Variants in DRD2 observed in about 807,000 individuals in gnomAD.
DRD2 encodes the protein dopamine receptor D2.
DRD2 carries 8 observed loss-of-function variants against 38.0 expected under a neutral mutation model. The ratio of observed to expected loss-of-function variants is 0.21; its 90% confidence interval spans 0.12 to 0.38. The LOEUF (loss-of-function observed/expected upper bound fraction) is 0.38. Ranked by LOEUF, DRD2 falls within the 10% of genes least tolerant of loss-of-function variation. The probability of loss-of-function intolerance (pLI) is 1.00; values close to 1 mark genes in which losing one functional copy is unlikely to be tolerated. For synonymous variants in DRD2, 230 were observed against 238.6 expected (o/e 0.96, Z 0.33); for missense variants, 403 against 607.7 (o/e 0.66, Z 3.54).
chr11:113,439,838 C>CAAAAAAAAAAAAAAAAAAAA (rs67577307), intron 1 of DRD2, among the ~76,000 whole-genome samples: 1 of 16,254 alleles, frequency 6.2e-5, no homozygotes, highest in African/African-American at 2.9e-4. Flanking sequence ...GGCTCTGTCT[C>CAAAAAAAAAAAAAAAAAAAA]AAAAAAAAAA....
chr11:113,442,583 CCT>C (rs1188919564), intron 1 of DRD2, among the ~76,000 whole-genome samples: 1 of 152,142 alleles, frequency 6.6e-6, no homozygotes, highest in East Asian at 1.9e-4. Flanking sequence ...TCTGGAGGCC[CCT>C]GTTTCTTCAG....
rs149497838 is a variant in DRD2, at chr11:113,414,192, C to T, written c.810+183G>A. 3.2e-4 allele frequency: 229 copies of T among 716,982 alleles called. No individual in the cohort carries two copies. In the African/African-American group the frequency reaches 3.3e-3, roughly 10 times the overall value. 44.4% of individuals were successfully genotyped at this position (716,982 alleles called of 1,614,324 possible). On this transcript the variant is annotated intron_variant, in intron 6 of 7. Transcript: ENST00000362072. ...CGTACACATCCATGCCTTGCAGAAC[C>T]GAGGTGTCTCACTTCATGCCTGCTT... is the stretch of plus-strand genomic sequence containing the variant.
At chr11:113,456,915 G>T (rs926599564) in intron 1 of DRD2, among the ~76,000 whole-genome samples, 1 of 152,068 alleles carries the variant, frequency 6.6e-6, no homozygotes, top group Non-Finnish European at 1.5e-5. Context: ...TTTAACCACA[G>T]TAAAAGAAAA....
At chr11:113,414,593 G>A in intron 5 of DRD2, 132 bp from the exon 6 acceptor site, 1 of 895,500 alleles carries the variant, frequency 1.1e-6, no homozygotes, top group Non-Finnish European at 1.8e-6. Context: ...GGGGGCCAGA[G>A]GAGGCAGTTG....
chr11:113,459,090 C>T (rs1407443424), intron 1 of DRD2, among the ~76,000 whole-genome samples: 1 of 152,216 alleles, frequency 6.6e-6, no homozygotes, highest in Non-Finnish European at 1.5e-5. Flanking sequence ...CCTTGATTAA[C>T]ACTTTACTTT....
intron 2 of DRD2, among the ~76,000 whole-genome samples, chr11:113,423,092 G>A (rs1315847885): frequency 6.6e-6 from 1 of 151,966 alleles, no homozygotes; most frequent in African/African-American, 2.4e-5. Context: ...AAAGGGGCAG[G>A]ATCCAGCTTG....
chr11:113,467,028 C>G (rs1462740481), intron 1 of DRD2, among the ~76,000 whole-genome samples: 1 of 152,126 alleles, frequency 6.6e-6, no homozygotes, highest in African/African-American at 2.4e-5. Context: ...TGTGTGGAAA[C>G]ATGGATCCAC....
intron 1 of DRD2, among the ~76,000 whole-genome samples, chr11:113,468,467 C>T (rs971776024): frequency 1.3e-5 from 2 of 152,166 alleles, no homozygotes; most frequent in African/African-American, 4.8e-5. Context: ...AGGTTAAGTG[C>T]CCTGCCCAGG....
chr11:113,451,779 C>T (rs1951212365), intron 1 of DRD2, among the ~76,000 whole-genome samples: 2 of 152,204 alleles, frequency 1.3e-5, no homozygotes, highest in South Asian at 2.1e-4. Context: ...CCTGTATCCT[C>T]TCTTAAACCC....
chr11:113,417,108 C>T lies in DRD2; in HGVS notation c.396-109G>A, dbSNP rs1346522389. 7 of 1,464,428 alleles carry T rather than the reference C, an allele frequency of 4.8e-6. No individual in the cohort carries two copies. In the African/African-American group the frequency reaches 9.8e-5, roughly 20 times the overall value. 90.7% of individuals were successfully genotyped at this position (1,464,428 alleles called of 1,614,324 possible). On this transcript the variant is annotated intron_variant, in intron 3 of 7. Coordinates refer to ENST00000362072, the MANE Select transcript of DRD2 (RefSeq NM_000795.4). The stretch of plus-strand genomic sequence containing the variant: ...ACTCCTTGGGGCTAAACAGTTGACA[C>T]ACCTCTATGAAGCTTGCCTGAGATG...
At chr11:113,446,406 G>A (rs977184217) in intron 1 of DRD2, among the ~76,000 whole-genome samples, 6 of 152,178 alleles carry the variant, frequency 3.9e-5, no homozygotes, top group Non-Finnish European at 8.8e-5. Context: ...ACCGTATACT[G>A]GACACTGTCT....
intron 1 of DRD2, among the ~76,000 whole-genome samples, chr11:113,461,994 T>C (rs1282690536): frequency 6.6e-6 from 1 of 152,112 alleles, no homozygotes; most frequent in African/African-American, 2.4e-5. Context: ...CCTTCCCCTC[T>C]CTTCCTCCAA....
intron 1 of DRD2, among the ~76,000 whole-genome samples, chr11:113,427,531 C>T (rs936799481): frequency 6.6e-6 from 1 of 152,104 alleles, no homozygotes; most frequent in Admixed American, 6.5e-5. Flanking sequence ...CAAATAAAAA[C>T]CATACTATCT....
In DRD2 at chr11:113,411,094, G is replaced by A. The variant is rs114109417; in HGVS notation, c.1139-174C>T. 0.028 allele frequency among the ~76,000 whole-genome samples: 4,319 copies of A among 152,252 alleles called. 219 individuals are homozygous for A. The highest frequency in any genetic ancestry group is 0.1 in the African/African-American group (4,139 of 41,526). ...GACCTGCCTCTGACACCCATTTGCAGTGAAGTATCCCTTCAGCTCCTTCAG... is the reference window on the plus strand; with the variant it reads ...GACCTGCCTCTGACACCCATTTGCAATGAAGTATCCCTTCAGCTCCTTCAG... On this transcript the variant is annotated intron_variant, in intron 7 of 7. Transcript: ENST00000362072.
chr11:113,444,717 A>C (rs1342729290), intron 1 of DRD2, among the ~76,000 whole-genome samples: 1 of 152,198 alleles, frequency 6.6e-6, no homozygotes, highest in Non-Finnish European at 1.5e-5. Context: ...TATTATATGC[A>C]GTGCTGATTA....
At chr11:113,414,550 G>T in intron 5 of DRD2, 89 bp from the exon 6 acceptor site, 2 of 1,382,364 alleles carry the variant, frequency 1.4e-6, no homozygotes, top group South Asian at 2.3e-5. Flanking sequence ...ATGGAACTCA[G>T]ACTGGGCAGA....
At chr11:113,474,289 G>T (rs1337139040) in intron 1 of DRD2, 2 of 152,376 alleles carry the variant, frequency 1.3e-5, no homozygotes, top group East Asian at 1.9e-4. Flanking sequence ...ATAGGGAAGC[G>T]CTCTGTCTGG....
intron 5 of DRD2, among the ~76,000 whole-genome samples, chr11:113,415,116 AGAG>A (rs1950812870): frequency 2.0e-5 from 3 of 152,100 alleles, no homozygotes; most frequent in South Asian, 4.2e-4. Context: ...AAACCAGAAA[AGAG>A]GAAGAGAGGA....
chr11:113,449,121 T>C (rs1317521657), intron 1 of DRD2, among the ~76,000 whole-genome samples: 1 of 152,214 alleles, frequency 6.6e-6, no homozygotes, highest in Non-Finnish European at 1.5e-5. Context: ...GGCGTTGATC[T>C]AGTCTGTGAC....
Sources: allele counts gnomAD v4.1 joint callset (sites outside exome capture counted in the v4.1 genomes callset), GRCh38; gene constraint gnomAD v4.1.1; transcripts MANE v1.5; gene names NCBI Gene and HGNC (gene_info 2026-07-23, HGNC 2026-07-21).